Variants in ANKRD12 observed in about 807,000 individuals in gnomAD.
ANKRD12 encodes ankyrin repeat domain 12, also known as ankyrin repeat domain-containing protein 12.
Under a neutral mutation model 183.4 loss-of-function variants are expected in ANKRD12, and 85 were observed. That is an observed-to-expected ratio of 0.46 (90% confidence interval 0.39 to 0.56). The LOEUF is 0.56. Ranked by LOEUF, ANKRD12 falls within the 20% of genes least tolerant of loss-of-function variation. The probability of loss-of-function intolerance (pLI) is 0.00; values close to 1 mark genes in which losing one functional copy is unlikely to be tolerated. For missense variants in ANKRD12, 2,405 were observed against 2,357.1 expected (o/e 1.02, Z -0.42); for synonymous variants, 914 against 800.2 (o/e 1.14, Z -2.40).
At chr18:9,273,502 G>A (rs1204712200) in intron 10 of ANKRD12, among the ~76,000 whole-genome samples, 2 of 152,212 alleles carry the variant, frequency 1.3e-5, no homozygotes, top group African/African-American at 4.8e-5. Flanking sequence ...TGGTGAGGAT[G>A]TGAAGAAATT....
Position 9,271,777 on chromosome 18 carries a change from A to T in ANKRD12, c.5764-3747A>T, listed in dbSNP as rs143879678. On this transcript the variant is annotated intron_variant, in intron 10 of 12. Transcript: ENST00000262126. ...AATGACAAAGCTGCAGATACTTATG[A>T]TTCTACTGTGGTTTGTAGACATATT... 8.5e-5 allele frequency among the ~76,000 whole-genome samples: 13 copies of T among 152,346 alleles called. No individual in the cohort carries two copies. In the East Asian group the frequency reaches 1.3e-3, roughly 16 times the overall value.
At chr18:9,209,750 TC>T (rs2035683355) in intron 5 of ANKRD12, among the ~76,000 whole-genome samples, 1 of 152,332 alleles carries the variant, frequency 6.6e-6, no homozygotes, top group Non-Finnish European at 1.5e-5. Context: ...TTTGACTGTT[TC>T]TGTAAAATTT....
rs1287560078 is a variant in ANKRD12, at chr18:9,282,928, A to G, written c.*1802A>G. 6.6e-6 allele frequency: 1 copy of G among 152,560 alleles called. No individual in the cohort carries two copies. The allele number at this position is 152,560 out of a possible 1,614,324, so 9.5% of individuals were successfully genotyped here. ...GTAGTTTTCCTTAGAAATTTAGGTG[A>G]GAGATTTTGGCCTTTTTTATTGGAT... On this transcript the variant is annotated 3_prime_UTR_variant, in exon 13 of 13. Coordinates refer to ENST00000262126, the MANE Select transcript of ANKRD12 (RefSeq NM_015208.5).
intron 1 of ANKRD12, among the ~76,000 whole-genome samples, chr18:9,141,800 T>A (rs2143335822): frequency 6.6e-6 from 1 of 152,374 alleles, no homozygotes; most frequent in Middle Eastern, 3.4e-3. Context: ...AACACAAATG[T>A]TAGCAATAAG....
At position 9,256,077 on chromosome 18, in the gene ANKRD12, A is replaced by C; in HGVS notation, c.2810A>C (p.Gln937Pro). ...EKHLMEKKNK[Q>P]SDNSEYSKSE... ...CACTTGATGGAGAAAAAAAATAAAC[A>C]ATCAGATAATAGTGAATACAGTAAA... is the stretch of plus-strand genomic sequence containing the variant. Residue 937 changes from glutamine (Q) to proline (P), a missense_variant, in exon 9 of 13, where the codon CAA (glutamine) becomes CCA (proline). Physicochemically the swap from Gln to Pro is moderately conservative, Grantham distance 76 (BLOSUM62 -1). Transcript: ENST00000262126. The C allele has an allele frequency of 1.3e-6, 2 of 1,564,354 alleles. No homozygotes were observed. Among genetic ancestry groups the C allele is most frequent in the Middle Eastern group, 1.7e-4 (1 of 5,810 alleles).
In ANKRD12 at chr18:9,257,552, T is replaced by G; in HGVS notation, c.4285T>G (p.Leu1429Val). 6.2e-7 allele frequency: 1 copy of G among 1,614,086 alleles called. No individual in the cohort carries two copies. Among genetic ancestry groups the G allele is most frequent in the East Asian group, 2.2e-5 (1 of 44,884 alleles). ...WEMPVDRLET[L>V]STRDFICPNS... ...GATGCCTGTTGATAGACTAGAGACA[T>G]TAAGCACCAGAGACTTTATCTGCCC... The change falls in exon 9 of 13, where the codon TTA (leucine) becomes GTA (valine). Residue 1429 changes from leucine (L) to valine (V), a missense_variant. Transcript: ENST00000262126.
chr18:9,188,234 A>G (rs530672884), intron 2 of ANKRD12, among the ~76,000 whole-genome samples: 2 of 152,328 alleles, frequency 1.3e-5, no homozygotes, highest in East Asian at 3.9e-4. Flanking sequence ...TGACAACTGC[A>G]TATGCAGTGG....
At chr18:9,186,967 G>A (rs934331212) in intron 2 of ANKRD12, among the ~76,000 whole-genome samples, 1 of 151,866 alleles carries the variant, frequency 6.6e-6, no homozygotes, top group Non-Finnish European at 1.5e-5. Flanking sequence ...TAGCCAGGAT[G>A]GTCTCGAATG....
intron 6 of ANKRD12, among the ~76,000 whole-genome samples, chr18:9,212,507 T>C (rs1169825146): frequency 6.6e-6 from 1 of 151,874 alleles, no homozygotes; most frequent in African/African-American, 2.4e-5. Context: ...TAGGTAGGCC[T>C]ACTCCATTAA....
At chr18:9,230,048 G>C (rs530707325) in intron 8 of ANKRD12, among the ~76,000 whole-genome samples, 27 of 152,058 alleles carry the variant, frequency 1.8e-4, no homozygotes, top group Non-Finnish European at 3.7e-4. Context: ...ATTGGTGTTA[G>C]TTCTTCTTTG....
In ANKRD12 at chr18:9,267,180, G is replaced by T. The variant is rs533553069; in HGVS notation, c.5763+3292G>T. Reference sequence around the variant, plus strand: ...CACAATAATACTAATAATGGGAGACGTTAACACCCCACTGTCAACATTAGA... The same window carrying T: ...CACAATAATACTAATAATGGGAGACTTTAACACCCCACTGTCAACATTAGA... On this transcript the variant is annotated intron_variant, in intron 10 of 12. Transcript: ENST00000262126. Among the ~76,000 whole-genome samples, 29 of 151,980 alleles carry T rather than the reference G, an allele frequency of 1.9e-4. 2 individuals carry two copies. The East Asian group carries it at 4.3e-3, about 22-fold the overall frequency.
At position 9,281,223 on chromosome 18, in the gene ANKRD12, A is replaced by G. The variant is rs2040095193; in HGVS notation, c.*97A>G. On this transcript the variant is annotated 3_prime_UTR_variant, in exon 13 of 13. Coordinates refer to ENST00000262126, the MANE Select transcript of ANKRD12 (RefSeq NM_015208.5). ...TTGACAAAAATACTCATGCCTTTAC[A>G]ATTGTTAGTAAAGTTCGATTATAGT... The G allele has an allele frequency of 1.0e-6, 1 of 1,000,146 alleles. No individual in the cohort carries two copies. Among genetic ancestry groups the G allele is most frequent in the Admixed American group, 2.7e-5 (1 of 36,968 alleles). The allele number at this position is 1,000,146 out of a possible 1,614,324, so 62.0% of individuals were successfully genotyped here. A position where few individuals can be genotyped will look rare whatever the true frequency, so the allele number is the denominator to read the frequency against.
chr18:9,198,292 C>T (rs1447413238), intron 3 of ANKRD12, among the ~76,000 whole-genome samples: 2 of 151,936 alleles, frequency 1.3e-5, no homozygotes, highest in Non-Finnish European at 2.9e-5. Flanking sequence ...CCAGAAAATA[C>T]AAGTGGTTCA....
At chr18:9,249,898 T>C (rs1164775442) in intron 8 of ANKRD12, among the ~76,000 whole-genome samples, 1 of 152,210 alleles carries the variant, frequency 6.6e-6, no homozygotes, top group Non-Finnish European at 1.5e-5. Context: ...TTATGGCTAA[T>C]GTGTGTAGCA....
chr18:9,233,118 C>T (rs1345049744), intron 8 of ANKRD12, among the ~76,000 whole-genome samples: 1 of 152,018 alleles, frequency 6.6e-6, no homozygotes. Context: ...TCCCAAAGTG[C>T]TGTGATTACA....
chr18:9,204,916 C>A (rs937110562), intron 4 of ANKRD12, among the ~76,000 whole-genome samples: 1 of 152,168 alleles, frequency 6.6e-6, no homozygotes, highest in African/African-American at 2.4e-5. Flanking sequence ...ACAAGGTATA[C>A]CAAGTGTACT....
At chr18:9,148,819 A>T (rs2078581231) in intron 1 of ANKRD12, among the ~76,000 whole-genome samples, 2 of 152,228 alleles carry the variant, frequency 1.3e-5, no homozygotes, top group Non-Finnish European at 1.5e-5. Context: ...GAATTATGTC[A>T]CTACTTTTTT....
chr18:9,163,954 T>C (rs1253510423), intron 1 of ANKRD12, among the ~76,000 whole-genome samples: 1 of 152,196 alleles, frequency 6.6e-6, no homozygotes, highest in Non-Finnish European at 1.5e-5. Context: ...TTTCTAGATA[T>C]AGGATCATGT....
intron 1 of ANKRD12, among the ~76,000 whole-genome samples, chr18:9,169,070 C>G (rs1185788601): frequency 6.6e-6 from 1 of 152,084 alleles, no homozygotes; most frequent in Non-Finnish European, 1.5e-5. Flanking sequence ...TTTGATTGCA[C>G]TGTGGTCTGA....
Sources: allele counts gnomAD v4.1 joint callset (sites outside exome capture counted in the v4.1 genomes callset), GRCh38; gene constraint gnomAD v4.1.1; transcripts MANE v1.5; gene names NCBI Gene and HGNC (gene_info 2026-07-23, HGNC 2026-07-21).